GLIS3: variants seen among roughly 807,000 people sequenced by gnomAD.
GLIS3 encodes the protein GLIS family zinc finger 3.
GLIS3 carries 53 observed loss-of-function variants against 78.6 expected under a neutral mutation model. The observed-to-expected ratio is 0.67, with a 90% CI of 0.54 to 0.85. The LOEUF (loss-of-function observed/expected upper bound fraction) is 0.85. Ranked by LOEUF, GLIS3 falls within the 40% of genes least tolerant of loss-of-function variation. The pLI is 0.00. For missense variants in GLIS3, 1,703 were observed against 1,231.1 expected, an observed-to-expected ratio of 1.38 and a Z score of -5.74; for synonymous variants, 684 against 509.9, an observed-to-expected ratio of 1.34 and a Z score of -4.60.
chr9:4,149,203 G>A (rs1182182985), intron 2 of GLIS3, among the ~76,000 whole-genome samples: 1 of 152,158 alleles, frequency 6.6e-6, no homozygotes, highest in African/African-American at 2.4e-5. Flanking sequence ...CTTAATGGAA[G>A]GCTTACTTGG....
the GLIS3 span, among the ~76,000 whole-genome samples, chr9:4,441,627 G>A: frequency 6.6e-6 from 1 of 151,686 alleles, no homozygotes; most frequent in African/African-American, 2.4e-5. Context: ...TTTTTTTTGA[G>A]ACAAGGTCTG....
chr9:4,326,896 C>T (rs1817609224), intron 2 of GLIS3, among the ~76,000 whole-genome samples: 1 of 152,148 alleles, frequency 6.6e-6, no homozygotes, highest in African/African-American at 2.4e-5. Context: ...CCTCTCATGC[C>T]AGCAAGGTTT....
chr9:4,002,428 C>G (rs1192420045), intron 4 of GLIS3, among the ~76,000 whole-genome samples: 1 of 152,202 alleles, frequency 6.6e-6, no homozygotes, highest in Non-Finnish European at 1.5e-5. Context: ...CAATAGAAAA[C>G]TAATTCACCT....
At chr9:4,208,966 T>C (rs929282088) in intron 2 of GLIS3, among the ~76,000 whole-genome samples, 1 of 152,226 alleles carries the variant, frequency 6.6e-6, no homozygotes, top group Non-Finnish European at 1.5e-5. Flanking sequence ...GGTGCACTTC[T>C]TCATAAAGCA....
chr9:3,893,272 A>C (rs941445171), intron 7 of GLIS3, among the ~76,000 whole-genome samples: 6 of 152,168 alleles, frequency 3.9e-5, no homozygotes, highest in Admixed American at 3.3e-4. Context: ...CATATTGTAA[A>C]ACTGGGTAAT....
chr9:4,232,683 T>A (rs1822378759), intron 2 of GLIS3, among the ~76,000 whole-genome samples: 1 of 152,194 alleles, frequency 6.6e-6, no homozygotes. Flanking sequence ...CCATTATCAA[T>A]AAAGGCTTCT....
the GLIS3 span, among the ~76,000 whole-genome samples, chr9:4,426,929 C>T: frequency 6.6e-6 from 1 of 152,206 alleles, no homozygotes; most frequent in Non-Finnish European, 1.5e-5. Context: ...GTTACTTATA[C>T]ACTTTTGCCC....
chr9:4,149,918 T>C (rs1834534814), intron 2 of GLIS3, among the ~76,000 whole-genome samples: 1 of 152,244 alleles, frequency 6.6e-6, no homozygotes, highest in South Asian at 2.1e-4. Flanking sequence ...TGCACTTGCA[T>C]ATATCTTACT....
At chr9:3,831,304 A>C (rs1818030099) in intron 9 of GLIS3, among the ~76,000 whole-genome samples, 1 of 152,224 alleles carries the variant, frequency 6.6e-6, no homozygotes, top group Non-Finnish European at 1.5e-5. Context: ...TTCAATAGAC[A>C]GGCAGGCAAA....
intron 2 of GLIS3, among the ~76,000 whole-genome samples, chr9:4,268,515 G>C (rs912479092): frequency 6.6e-6 from 1 of 152,132 alleles, no homozygotes; most frequent in Non-Finnish European, 1.5e-5. Context: ...CGTTCTGAAA[G>C]GAATTCAATA....
At chr9:3,948,982 C>G (rs1485867146) in intron 4 of GLIS3, among the ~76,000 whole-genome samples, 1 of 152,136 alleles carries the variant, frequency 6.6e-6, no homozygotes, top group Non-Finnish European at 1.5e-5. Flanking sequence ...GAAATTGAGA[C>G]ATAGAGAGGT....
the GLIS3 span, among the ~76,000 whole-genome samples, chr9:4,484,402 TAA>T: frequency 8.5e-6 from 1 of 117,220 alleles, no homozygotes; most frequent in African/African-American, 3.4e-5. Context: ...CATGCCAGGC[TAA>T]TTTTTTTTTT....
chr9:4,318,759 A>C (rs1817476313), intron 2 of GLIS3, among the ~76,000 whole-genome samples: 1 of 152,348 alleles, frequency 6.6e-6, no homozygotes, highest in Non-Finnish European at 1.5e-5. Context: ...ACAGATGAAG[A>C]TGACAGTCTT....
At chr9:3,928,872 T>A (rs1825427576) in intron 6 of GLIS3, among the ~76,000 whole-genome samples, 1 of 152,242 alleles carries the variant, frequency 6.6e-6, no homozygotes, top group Admixed American at 6.5e-5. Context: ...AAGATTCATG[T>A]CACCTCTAAC....
intron 4 of GLIS3, among the ~76,000 whole-genome samples, chr9:4,020,741 G>A (rs1483556464): frequency 6.6e-6 from 1 of 152,200 alleles, no homozygotes; most frequent in Non-Finnish European, 1.5e-5. Context: ...ATAAATGTCT[G>A]ATACTACAAG....
At chr9:3,923,450 G>T (rs114020202) in intron 6 of GLIS3, among the ~76,000 whole-genome samples, 1 of 152,100 alleles carries the variant, frequency 6.6e-6, no homozygotes, top group Non-Finnish European at 1.5e-5. Flanking sequence ...TCTGGAATCC[G>T]GGTAATAAGA....
At chr9:4,459,886 G>A in the GLIS3 span, among the ~76,000 whole-genome samples, 116 of 152,376 alleles carry the variant, frequency 7.6e-4, no homozygotes, top group Middle Eastern at 3.4e-3. Context: ...GCTGCTGAAT[G>A]ATGGAGAAAA....
the GLIS3 span, among the ~76,000 whole-genome samples, chr9:4,356,729 GATC>G: frequency 6.6e-6 from 1 of 152,160 alleles, no homozygotes; most frequent in Non-Finnish European, 1.5e-5. Flanking sequence ...GAGCAACAAA[GATC>G]ATCAACAATG....
intron 2 of GLIS3, among the ~76,000 whole-genome samples, chr9:4,247,791 T>C (rs1053090779): frequency 2.6e-5 from 4 of 152,254 alleles, no homozygotes; most frequent in Admixed American, 6.5e-5. Context: ...ATAATTATTT[T>C]ACTTTTATGT....
Sources: gnomAD v4.1 joint callset for allele counts (sites outside exome capture counted in the v4.1 genomes callset) on GRCh38, gnomAD v4.1.1 for gene constraint, MANE v1.5 for transcripts, NCBI Gene and HGNC (gene_info 2026-07-23, HGNC 2026-07-21) for gene names.